PPP1R42: variants seen among roughly 807,000 people sequenced by gnomAD.
The protein encoded by PPP1R42 is leucine rich repeat containing 67.
Under a neutral mutation model 31.0 loss-of-function variants are expected in PPP1R42, and 34 were observed. The observed-to-expected ratio is 1.10, with a 90% CI of 0.83 to 1.46. The LOEUF (loss-of-function observed/expected upper bound fraction) is 1.46. Ranked by LOEUF, PPP1R42 falls within the 40% of genes most tolerant of loss-of-function variation. PPP1R42 has a pLI of 0.00. For synonymous variants in PPP1R42, 103 were observed against 109.8 expected, an observed-to-expected ratio of 0.94 and a Z score of 0.39; for missense variants, 268 against 303.0, an observed-to-expected ratio of 0.88 and a Z score of 0.86.
At chr8:66,993,441 T>A (rs1459181565) in intron 5 of PPP1R42, among the ~76,000 whole-genome samples, 2 of 152,226 alleles carry the variant, frequency 1.3e-5, no homozygotes, top group Non-Finnish European at 2.9e-5. Flanking sequence ...GCCTCTGCAC[T>A]ATGTTCCACC....
chr8:67,022,069 G>T (rs1259192020), intron 1 of PPP1R42, among the ~76,000 whole-genome samples: 2 of 152,102 alleles, frequency 1.3e-5, no homozygotes, highest in Non-Finnish European at 2.9e-5. Flanking sequence ...TTCTGGGTTG[G>T]ACATTTCAAC....
intron 6 of PPP1R42, among the ~76,000 whole-genome samples, chr8:66,982,674 C>T (rs1272427105): frequency 1.3e-5 from 2 of 151,826 alleles, no homozygotes; most frequent in South Asian, 2.1e-4. Flanking sequence ...CCCAGGCTGG[C>T]CTGGAACTCC....
chr8:67,026,006 A>G (rs1816385104), intron 1 of PPP1R42, among the ~76,000 whole-genome samples: 1 of 146,578 alleles, frequency 6.8e-6, no homozygotes, highest in Non-Finnish European at 1.5e-5. Context: ...CTCCGTCTCA[A>G]AAAAAAAAAA....
intron 1 of PPP1R42, among the ~76,000 whole-genome samples, chr8:67,026,687 C>A (rs1816410237): frequency 1.3e-5 from 2 of 151,834 alleles, no homozygotes; most frequent in South Asian, 4.2e-4. Flanking sequence ...AATAAATGAG[C>A]CGGGCATGGT....
At chr8:67,023,259 C>T (rs956643354) in intron 1 of PPP1R42, among the ~76,000 whole-genome samples, 6 of 152,134 alleles carry the variant, frequency 3.9e-5, no homozygotes, top group Non-Finnish European at 7.4e-5. Context: ...TACAAGCCTG[C>T]GCCAGCATGC....
At chr8:66,976,486 C>T (rs369774040) in intron 7 of PPP1R42, among the ~76,000 whole-genome samples, 25 of 152,250 alleles carry the variant, frequency 1.6e-4, no homozygotes, top group African/African-American at 5.5e-4. Context: ...AAGTTTATTC[C>T]GCCTATCTGG....
At chr8:67,006,616 G>A (rs928072881) in intron 5 of PPP1R42, among the ~76,000 whole-genome samples, 3 of 151,772 alleles carry the variant, frequency 2.0e-5, no homozygotes, top group Non-Finnish European at 4.4e-5. Context: ...ATCCTCTCCT[G>A]CCTTGGCCTC....
intron 6 of PPP1R42, chr8:66,984,850 TC>T: frequency 1.9e-6 from 3 of 1,590,702 alleles, no homozygotes; most frequent in Non-Finnish European, 2.6e-6. Flanking sequence ...TTCTAGTAGT[TC>T]CTTCTGTGCT....
chr8:67,010,083 A>C (rs1815799758), intron 5 of PPP1R42, among the ~76,000 whole-genome samples: 1 of 152,228 alleles, frequency 6.6e-6, no homozygotes, highest in Non-Finnish European at 1.5e-5. Flanking sequence ...CAATACTTAT[A>C]AAAACAGTAT....
intron 1 of PPP1R42, among the ~76,000 whole-genome samples, chr8:67,021,603 T>C (rs16933139): frequency 0.12 from 18,721 of 152,102 alleles, 2,258 homozygotes; most frequent in African/African-American, 0.31. Flanking sequence ...GTATAACACC[T>C]ATGGACCCAC....
At position 67,010,855 on chromosome 8, in the gene PPP1R42, G is replaced by T. The variant is rs749975973; in HGVS notation, c.436-24C>A. 4 of 1,553,592 alleles carry T rather than the reference G, an allele frequency of 2.6e-6. No homozygotes were observed. The Admixed American group carries it at 7.4e-5, about 29-fold the overall frequency. ...TTCTGTAAGAAAAATAACGAAGTTAGCATTAGTAAATAGTCTAAATACTGT... is the reference window on the plus strand; with the variant it reads ...TTCTGTAAGAAAAATAACGAAGTTATCATTAGTAAATAGTCTAAATACTGT... On this transcript the variant is annotated intron_variant, in intron 4 of 7. Coordinates refer to ENST00000685739, the MANE Select transcript of PPP1R42 (RefSeq NM_001364910.1).
At chr8:67,003,300 G>T (rs1815562884) in intron 5 of PPP1R42, among the ~76,000 whole-genome samples, 2 of 137,314 alleles carry the variant, frequency 1.5e-5, no homozygotes, top group Admixed American at 7.3e-5. Context: ...TTTTTTTAAA[G>T]TCTTATCTCC....
chr8:67,003,357 T>A (rs1033756330), intron 5 of PPP1R42, among the ~76,000 whole-genome samples: 2 of 150,610 alleles, frequency 1.3e-5, no homozygotes, highest in African/African-American at 4.9e-5. Context: ...TTGACTGATT[T>A]TTCTCTGGTT....
At chr8:67,021,780 T>C (rs1816226324) in intron 1 of PPP1R42, among the ~76,000 whole-genome samples, 1 of 152,164 alleles carries the variant, frequency 6.6e-6, no homozygotes, top group South Asian at 2.1e-4. Flanking sequence ...GTACTGTTTT[T>C]CACAATTTTA....
chr8:67,001,780 T>A (rs1416910929), intron 5 of PPP1R42, among the ~76,000 whole-genome samples: 1 of 152,194 alleles, frequency 6.6e-6, no homozygotes, highest in African/African-American at 2.4e-5. Flanking sequence ...ATAAACCTCA[T>A]GCTATATGGT....
chr8:66,966,741 C>T lies in PPP1R42; in HGVS notation c.803-2407G>A, dbSNP rs143127819. Among the ~76,000 whole-genome samples the T allele has an allele frequency of 3.2e-3, 490 of 151,662 alleles. 3 individuals carry two copies. The highest frequency in any genetic ancestry group is 0.01 in the African/African-American group (422 of 41,330). On this transcript the variant is annotated intron_variant, in intron 7 of 7. Transcript: ENST00000685739. Reference sequence around the variant, plus strand: ...CAGAGCTTGCAGTGAGCCAAGATCACGCCACTGCACTCCAGCCTGGGTGAC... The same window carrying T: ...CAGAGCTTGCAGTGAGCCAAGATCATGCCACTGCACTCCAGCCTGGGTGAC...
intron 7 of PPP1R42, among the ~76,000 whole-genome samples, chr8:66,981,806 CA>C (rs1814849510): frequency 1.3e-5 from 2 of 152,176 alleles, no homozygotes; most frequent in African/African-American, 2.4e-5. Flanking sequence ...TCTATGTTTA[CA>C]CAAAACCAAA....
chr8:67,007,848 A>AGTGCAAG lies in PPP1R42; in HGVS notation c.552+2860_552+2866dup, dbSNP rs569912374. On this transcript the variant is annotated intron_variant, in intron 5 of 7. Coordinates refer to ENST00000685739, the MANE Select transcript of PPP1R42 (RefSeq NM_001364910.1). ...GCAACCCTTATTTCACTTGCCCCAA[A>AGTGCAAG]GTGCAAGAGTAGTGATGCTGACATT... 1.3e-4 allele frequency among the ~76,000 whole-genome samples: 20 copies of AGTGCAAG among 151,112 alleles called. No individual in the cohort carries two copies. The South Asian group carries it at 3.8e-3, about 29-fold the overall frequency.
At chr8:66,985,506 A>G in intron 6 of PPP1R42, 1 of 1,169,126 alleles carries the variant, frequency 8.6e-7, no homozygotes, top group Non-Finnish European at 1.3e-6. Flanking sequence ...CCTTTGGGGA[A>G]GCAATGCCCA....
Sources: allele counts gnomAD v4.1 joint callset (sites outside exome capture counted in the v4.1 genomes callset), GRCh38; gene constraint gnomAD v4.1.1; transcripts MANE v1.5; gene names NCBI Gene and HGNC (gene_info 2026-07-23, HGNC 2026-07-21).